Variants in SLCO3A1 observed in about 807,000 individuals in gnomAD.
SLCO3A1 encodes PGE1 transporter.
Under a neutral mutation model 63.1 loss-of-function variants are expected in SLCO3A1, and 27 were observed. The ratio of observed to expected loss-of-function variants is 0.43; its 90% CI spans 0.32 to 0.59. The LOEUF is 0.59. SLCO3A1 is among the 20% of genes least tolerant of loss of function. The pLI is 0.09. For missense variants in SLCO3A1, 773 were observed against 945.8 expected (o/e 0.82, Z 2.40); for synonymous variants, 473 against 409.9 (o/e 1.15, Z -1.86).
At chr15:92,042,708 G>T (rs2046814565) in intron 2 of SLCO3A1, among the ~76,000 whole-genome samples, 1 of 152,146 alleles carries the variant, frequency 6.6e-6, no homozygotes, top group African/African-American at 2.4e-5. Context: ...GCTGAGGGAG[G>T]AGGGCAGCCT....
intron 2 of SLCO3A1, among the ~76,000 whole-genome samples, chr15:91,955,877 C>G (rs970172088): frequency 1.3e-5 from 2 of 152,168 alleles, no homozygotes; most frequent in African/African-American, 4.8e-5. Flanking sequence ...TTCTTTAGGG[C>G]AGAGGTGTGA....
chr15:92,001,200 C>A (rs2046250384), intron 2 of SLCO3A1, among the ~76,000 whole-genome samples: 1 of 55,572 alleles, frequency 1.8e-5, no homozygotes, highest in Non-Finnish European at 3.3e-5. Flanking sequence ...GCTTTAAGGA[C>A]CAGGTGGGTG....
Position 91,860,423 on chromosome 15 carries a change from A to G in SLCO3A1, c.180+6335A>G, listed in dbSNP as rs906877370. ...GGTTGTGAGGTTTAAACAAATAGTC[A>G]TGTGATAGAGTACTTCTCATAGGGT... is the stretch of plus-strand genomic sequence containing the variant. On this transcript the variant is annotated intron_variant, in intron 1 of 9. Transcript: ENST00000318445. The surrounding 1 kb of genome is among the most constrained non-coding windows in gnomAD (Gnocchi z 5.5). Among the ~76,000 whole-genome samples the G allele has an allele frequency of 3.3e-5, 5 of 152,232 alleles. No homozygotes were observed. The highest frequency in any genetic ancestry group is 5.9e-5 in the Non-Finnish European group (4 of 68,042).
intron 2 of SLCO3A1, among the ~76,000 whole-genome samples, chr15:91,988,401 G>A (rs141325989): frequency 3.3e-5 from 5 of 152,008 alleles, no homozygotes; most frequent in South Asian, 2.1e-4. Flanking sequence ...ACAAGTGAAC[G>A]TAATAAATTA....
chr15:92,128,528 G>C, intron 7 of SLCO3A1, 39 bp downstream of exon 7: 1 of 1,571,732 alleles, frequency 6.4e-7, no homozygotes, highest in Non-Finnish European at 8.6e-7. Flanking sequence ...GGGGATTCAG[G>C]CAGCTAAAGT....
intron 9 of SLCO3A1, 99 bp downstream of exon 9, chr15:92,151,113 T>C: frequency 1.1e-6 from 1 of 882,740 alleles, no homozygotes; most frequent in South Asian, 1.7e-5. Flanking sequence ...GTCTGTCTCT[T>C]TTTTCTTTGC....
At position 92,147,178 on chromosome 15, in the gene SLCO3A1, C is replaced by T. The variant is rs778443390; in HGVS notation, c.1688+19C>T. The stretch of plus-strand genomic sequence containing the variant: ...TCATCAGGTAAGCCCTCGGCACAGC[C>T]CCGCCTCTCCTCCTTTCCACCTGGT... On this transcript the variant is annotated intron_variant, in intron 8 of 9. Coordinates refer to ENST00000318445, the MANE Select transcript of SLCO3A1 (RefSeq NM_013272.4). 17 of 1,598,010 alleles carry T rather than the reference C, an allele frequency of 1.1e-5. No homozygotes were observed. The highest frequency in any genetic ancestry group is 7.7e-6 in the Non-Finnish European group (9 of 1,171,506).
intron 2 of SLCO3A1, among the ~76,000 whole-genome samples, chr15:91,989,305 C>A (rs1226587143): frequency 2.0e-5 from 3 of 152,192 alleles, no homozygotes; most frequent in African/African-American, 7.2e-5. Flanking sequence ...CCTTAACGTA[C>A]TGTATTATAA....
chr15:91,873,541 C>CAT (rs1469325772), intron 1 of SLCO3A1, among the ~76,000 whole-genome samples: 104 of 144,524 alleles, frequency 7.2e-4, no homozygotes, highest in African/African-American at 2.7e-3. Context: ...TACACACACA[C>CAT]ACACACACAC....
At chr15:92,112,772 T>G (rs2047745136) in intron 4 of SLCO3A1, among the ~76,000 whole-genome samples, 1 of 152,216 alleles carries the variant, frequency 6.6e-6, no homozygotes. Flanking sequence ...GCATGAAGGC[T>G]CTGAGAAGGG....
chr15:91,906,283 T>G (rs1052705715), intron 1 of SLCO3A1, among the ~76,000 whole-genome samples: 1 of 152,224 alleles, frequency 6.6e-6, no homozygotes, highest in African/African-American at 2.4e-5. Flanking sequence ...TATGTGCTAT[T>G]TCTTTGGGTA....
chr15:91,988,983 A>G (rs2046091042), intron 2 of SLCO3A1, among the ~76,000 whole-genome samples: 1 of 152,154 alleles, frequency 6.6e-6, no homozygotes, highest in African/African-American at 2.4e-5. Context: ...GTCCTTGACT[A>G]GTTTGGCCAG....
chr15:92,126,869 C>T lies in SLCO3A1; in HGVS notation c.1373+610C>T, dbSNP rs551983513. Among the ~76,000 whole-genome samples, 5 of 152,256 alleles carry T rather than the reference C, an allele frequency of 3.3e-5. No individual in the cohort carries two copies. In the East Asian group the frequency reaches 9.7e-4, roughly 29 times the overall value. ...CAGCTATCCAGTATCAATAGCTGTC[C>T]CCTTTTCCACATGGGACTGAGGCTG... On this transcript the variant is annotated intron_variant, in intron 6 of 9. Transcript: ENST00000318445.
chr15:92,151,635 A>T (rs892254329), intron 9 of SLCO3A1, among the ~76,000 whole-genome samples: 1 of 152,170 alleles, frequency 6.6e-6, no homozygotes, highest in Admixed American at 6.5e-5. Context: ...GGCTGGGCTG[A>T]CGCTGGGCCT....
At chr15:92,043,691 G>A (rs2046825711) in intron 2 of SLCO3A1, among the ~76,000 whole-genome samples, 1 of 152,208 alleles carries the variant, frequency 6.6e-6, no homozygotes, top group African/African-American at 2.4e-5. Flanking sequence ...TCAACCCACT[G>A]CATCTCATCC....
intron 2 of SLCO3A1, among the ~76,000 whole-genome samples, chr15:92,031,345 G>A (rs148064943): frequency 6.5e-4 from 99 of 152,182 alleles, no homozygotes; most frequent in African/African-American, 2.2e-3. Context: ...TTAACCTTTC[G>A]GAACTTATCC....
intron 9 of SLCO3A1, among the ~76,000 whole-genome samples, chr15:92,155,986 G>A (rs375496112): frequency 6.6e-5 from 10 of 152,224 alleles, no homozygotes; most frequent in East Asian, 3.9e-4. Flanking sequence ...GAAGGCCCTC[G>A]GGGTGCATTT....
At chr15:92,067,166 A>G (rs2047161567) in intron 2 of SLCO3A1, among the ~76,000 whole-genome samples, 1 of 151,060 alleles carries the variant, frequency 6.6e-6, no homozygotes. Context: ...TGCCACAAAC[A>G]CCCCCTGCTC....
chr15:92,016,420 T>C (rs2046438306), intron 2 of SLCO3A1, among the ~76,000 whole-genome samples: 1 of 152,108 alleles, frequency 6.6e-6, no homozygotes, highest in South Asian at 2.1e-4. Flanking sequence ...CCAACTCAGC[T>C]GGGATTATAG....
Sources: allele counts gnomAD v4.1 joint callset (sites outside exome capture counted in the v4.1 genomes callset), GRCh38; gene constraint gnomAD v4.1.1; non-coding constraint Gnocchi (gnomAD v3.1); transcripts MANE v1.5; gene names NCBI Gene and HGNC (gene_info 2026-07-23, HGNC 2026-07-21).